Variants in ADGRL3 observed in about 807,000 individuals in gnomAD.
The protein encoded by ADGRL3 is calcium-independent alpha-latrotoxin receptor 3.
A neutral mutation model predicts 153.5 loss-of-function variants in ADGRL3; 62 were observed. That is an observed-to-expected ratio of 0.40 (90% confidence interval 0.33 to 0.50). ADGRL3 has a LOEUF of 0.50. Among genes scored for constraint, ADGRL3 ranks in the 20% least tolerant of loss-of-function variants. The pLI, the probability that ADGRL3 is intolerant of heterozygous loss-of-function variation, is 0.47. For missense variants in ADGRL3, 1,641 were observed against 1,859.4 expected (o/e 0.88, Z 2.16); for synonymous variants, 710 against 672.5 (o/e 1.06, Z -0.86).
intron 13 of ADGRL3, among the ~76,000 whole-genome samples, chr4:61,912,995 A>C: frequency 6.6e-6 from 1 of 152,140 alleles, no homozygotes; most frequent in East Asian, 1.9e-4. Context: ...TTTCATCATC[A>C]CCAAGAGGTG....
At chr4:61,738,366 G>A (rs1023203747) in intron 8 of ADGRL3, among the ~76,000 whole-genome samples, 2 of 152,120 alleles carry the variant, frequency 1.3e-5, no homozygotes, top group African/African-American at 4.8e-5. Context: ...ACTGCGAATT[G>A]TGCTGCTGTA....
intron 8 of ADGRL3, among the ~76,000 whole-genome samples, chr4:61,733,989 T>A (rs957783012): frequency 6.6e-6 from 1 of 152,226 alleles, no homozygotes; most frequent in African/African-American, 2.4e-5. Context: ...AATGTAGTCA[T>A]CTCACAGAGT....
chr4:62,056,178 T>C (rs1219161689), intron 25 of ADGRL3, among the ~76,000 whole-genome samples: 2 of 151,742 alleles, frequency 1.3e-5, no homozygotes, highest in East Asian at 3.9e-4. Flanking sequence ...ATAATGGTGG[T>C]AGATTAGATG....
intron 13 of ADGRL3, among the ~76,000 whole-genome samples, chr4:61,930,657 T>C (rs1270246886): frequency 6.6e-6 from 1 of 152,120 alleles, no homozygotes; most frequent in Admixed American, 6.6e-5. Context: ...CCTAATAATG[T>C]CGCATTAAAA....
intron 5 of ADGRL3, among the ~76,000 whole-genome samples, chr4:61,594,939 T>C (rs1359854586): frequency 1.3e-5 from 2 of 152,140 alleles, no homozygotes; most frequent in Non-Finnish European, 2.9e-5. Context: ...GGATCCTCTC[T>C]TGTGGCTCCC....
intron 13 of ADGRL3, among the ~76,000 whole-genome samples, chr4:61,924,442 A>G (rs1353346130): frequency 6.6e-6 from 1 of 152,134 alleles, no homozygotes; most frequent in East Asian, 1.9e-4. Flanking sequence ...AATGGCACAA[A>G]CCATTCTCCT....
intron 9 of ADGRL3, among the ~76,000 whole-genome samples, chr4:61,826,715 G>C (rs571462719): frequency 1.3e-5 from 2 of 152,184 alleles, no homozygotes; most frequent in African/African-American, 4.8e-5. Flanking sequence ...GAATGACTTA[G>C]AGAGAGGTAA....
chr4:61,293,734 A>T (rs1048086552), intron 1 of ADGRL3, among the ~76,000 whole-genome samples: 7 of 152,174 alleles, frequency 4.6e-5, no homozygotes, highest in Non-Finnish European at 8.8e-5. Flanking sequence ...TAATCCAACT[A>T]CAAATCTGTT....
At chr4:61,625,817 G>A (rs1235817377) in intron 5 of ADGRL3, among the ~76,000 whole-genome samples, 1 of 152,018 alleles carries the variant, frequency 6.6e-6, no homozygotes, top group African/African-American at 2.4e-5. Context: ...CAGAAGTGTG[G>A]GTGTTGGTAT....
At chr4:61,874,556 G>A (rs754655336) in intron 9 of ADGRL3, among the ~76,000 whole-genome samples, 2 of 151,342 alleles carry the variant, frequency 1.3e-5, no homozygotes, top group Admixed American at 6.6e-5. Flanking sequence ...GAGCCTGTCT[G>A]CCCTAGAAAA....
chr4:61,426,059 T>G (rs1048555494), intron 2 of ADGRL3, among the ~76,000 whole-genome samples: 1 of 152,256 alleles, frequency 6.6e-6, no homozygotes, highest in Non-Finnish European at 1.5e-5. Flanking sequence ...TGGCTGTTCA[T>G]TCAAGGTTTG....
chr4:61,338,234 G>T (rs549370788), intron 1 of ADGRL3, among the ~76,000 whole-genome samples: 1 of 151,044 alleles, frequency 6.6e-6, no homozygotes, highest in Admixed American at 6.6e-5. Flanking sequence ...TTATGCCACC[G>T]CACTCCAGCC....
At chr4:61,664,012 T>C (rs1168320625) in intron 5 of ADGRL3, among the ~76,000 whole-genome samples, 1 of 152,168 alleles carries the variant, frequency 6.6e-6, no homozygotes, top group Admixed American at 6.5e-5. Flanking sequence ...ACTGAATAGA[T>C]GTCATCCATT....
At chr4:61,491,103 T>C (rs987554350) in intron 2 of ADGRL3, among the ~76,000 whole-genome samples, 6 of 152,126 alleles carry the variant, frequency 3.9e-5, no homozygotes, top group Non-Finnish European at 7.4e-5. Flanking sequence ...CTTCTTGCTG[T>C]CCTACTCTTT....
intron 1 of ADGRL3, among the ~76,000 whole-genome samples, chr4:61,312,014 A>ACCTT (rs1161320256): frequency 6.6e-6 from 1 of 152,152 alleles, no homozygotes; most frequent in African/African-American, 2.4e-5. Flanking sequence ...AGATCTCTGT[A>ACCTT]CCTTCCACTC....
intron 4 of ADGRL3, among the ~76,000 whole-genome samples, chr4:61,554,265 C>G (rs1560831377): frequency 6.6e-6 from 1 of 151,644 alleles, no homozygotes; most frequent in Non-Finnish European, 1.5e-5. Context: ...GCATTCTTGG[C>G]TCACTGCAAC....
At chr4:61,371,491 G>C (rs922329855) in intron 1 of ADGRL3, among the ~76,000 whole-genome samples, 1 of 151,180 alleles carries the variant, frequency 6.6e-6, no homozygotes, top group African/African-American at 2.4e-5. Flanking sequence ...CACTTATGAA[G>C]CTTAGTTTGG....
chr4:61,348,734 A>G (rs1232411775), intron 1 of ADGRL3, among the ~76,000 whole-genome samples: 1 of 152,058 alleles, frequency 6.6e-6, no homozygotes, highest in African/African-American at 2.4e-5. Flanking sequence ...TCATGACTAT[A>G]CCACTTTATT....
At chr4:62,068,221 A>AT (rs757843677) in intron 26 of ADGRL3, 38 bp downstream of exon 26, 48 of 1,577,088 alleles carry the variant, frequency 3.0e-5, no homozygotes, top group South Asian at 8.0e-5. Context: ...ATCAAATGTA[A>AT]TTTTTTTTAG....
Sources: gnomAD v4.1 joint callset for allele counts (sites outside exome capture counted in the v4.1 genomes callset) on GRCh38, gnomAD v4.1.1 for gene constraint, MANE v1.5 for transcripts, NCBI Gene and HGNC (gene_info 2026-07-23, HGNC 2026-07-21) for gene names.